Variants in PTGER3 observed in about 807,000 individuals in gnomAD.
PTGER3 encodes the protein prostaglandin E receptor 3.
PTGER3 carries 22 observed loss-of-function variants against 34.7 expected under a neutral mutation model. The observed-to-expected ratio is 0.63, with a 90% CI of 0.45 to 0.91. PTGER3 has a LOEUF of 0.91. PTGER3 is among the 40% of genes least tolerant of loss of function. PTGER3 has a pLI of 0.00. For missense variants in PTGER3, 468 were observed against 519.4 expected, an observed-to-expected ratio of 0.90 and a Z score of 0.96; for synonymous variants, 241 against 230.1, an observed-to-expected ratio of 1.05 and a Z score of -0.43.
chr1:70,905,201 C>T (rs1003912745), intron 4 of PTGER3, among the ~76,000 whole-genome samples: 2 of 152,128 alleles, frequency 1.3e-5, no homozygotes, highest in African/African-American at 4.8e-5. Context: ...TATGGAAACA[C>T]CTGGATGCCC....
chr1:70,952,695 T>C (rs1650879464), exon 4 of PTGER3: 1 of 1,207,676 alleles, frequency 8.3e-7, no homozygotes, highest in Non-Finnish European at 1.0e-6. Context: ...TAAGTCTAAA[T>C]TGGGTAGTTC....
rs1468657163 is a variant in PTGER3, at chr1:70,917,193, G to A, written c.*23+36570C>T. Among the ~76,000 whole-genome samples the A allele has an allele frequency of 3.3e-5, 5 of 150,704 alleles. No individual in the cohort carries two copies. The East Asian group carries it at 7.8e-4, about 24-fold the overall frequency. On this transcript the variant is annotated intron_variant, in intron 4 of 4. Coordinates refer to the PTGER3 transcript ENST00000370931. ...CTTTCCTGGTCCCCCTGCAACCCCC[G>A]CTTTCCCCCTCTCTCCTCAGTCTCT...
At chr1:70,927,531 A>G (rs1648226599) in intron 4 of PTGER3, among the ~76,000 whole-genome samples, 1 of 152,212 alleles carries the variant, frequency 6.6e-6, no homozygotes, top group African/African-American at 2.4e-5. Context: ...TACATAACAT[A>G]AAAATGAGCT....
intron 4 of PTGER3, among the ~76,000 whole-genome samples, chr1:70,905,414 ACT>A (rs772503273): frequency 5.5e-4 from 84 of 152,162 alleles, no homozygotes; most frequent in South Asian, 1.2e-3. Context: ...AGCCTCAGAC[ACT>A]CAACACCAGC....
chr1:70,935,167 C>G (rs561866971), intron 4 of PTGER3, among the ~76,000 whole-genome samples: 1 of 152,068 alleles, frequency 6.6e-6, no homozygotes, highest in African/African-American at 2.4e-5. Flanking sequence ...TGGGAAGAAG[C>G]ACATTAAATT....
chr1:71,030,368 G>A (rs1219485550), intron 1 of PTGER3, among the ~76,000 whole-genome samples: 1 of 152,170 alleles, frequency 6.6e-6, no homozygotes, highest in Non-Finnish European at 1.5e-5. Flanking sequence ...CAATTGCACT[G>A]TATCATACTG....
chr1:70,986,407 C>T (rs150869700), intron 2 of PTGER3, among the ~76,000 whole-genome samples: 41 of 152,186 alleles, frequency 2.7e-4, no homozygotes, highest in Middle Eastern at 3.4e-3. Context: ...TTTCCTGTAA[C>T]GCCATGGCAG....
intron 2 of PTGER3, among the ~76,000 whole-genome samples, chr1:70,988,695 C>T (rs1655147747): frequency 6.6e-6 from 1 of 152,154 alleles, no homozygotes; most frequent in African/African-American, 2.4e-5. Context: ...CCAGAATTTA[C>T]ATAAATAGGA....
At chr1:71,003,485 A>C (rs1656669569) in intron 2 of PTGER3, among the ~76,000 whole-genome samples, 1 of 152,184 alleles carries the variant, frequency 6.6e-6, no homozygotes, top group South Asian at 2.1e-4. Flanking sequence ...AACTAAAACA[A>C]CATCTTTATT....
chr1:70,906,047 T>C (rs1646940470), intron 4 of PTGER3, among the ~76,000 whole-genome samples: 1 of 152,058 alleles, frequency 6.6e-6, no homozygotes, highest in Non-Finnish European at 1.5e-5. Context: ...GGTTTAAAAA[T>C]AGAAGTTCCC....
intron 4 of PTGER3, among the ~76,000 whole-genome samples, chr1:70,859,440 C>T (rs1187906302): frequency 6.6e-6 from 1 of 151,956 alleles, no homozygotes; most frequent in Non-Finnish European, 1.5e-5. Context: ...CACCTGTGTT[C>T]CTTACAATTA....
chr1:70,948,458 A>G (rs111427510), downstream of PTGER3, among the ~76,000 whole-genome samples: 20,602 of 152,154 alleles, frequency 0.14, 1,739 homozygotes, highest in African/African-American at 0.22. Context: ...CTGTGAGTCA[A>G]TTAAACCTCT....
At chr1:70,904,164 C>T (rs76245459) in intron 4 of PTGER3, among the ~76,000 whole-genome samples, 8,294 of 152,252 alleles carry the variant, frequency 0.054, 388 homozygotes, top group African/African-American at 0.12. Flanking sequence ...TGACTTGCTC[C>T]TCCTTGCCTT....
At chr1:71,017,940 T>C (rs187515633) in intron 1 of PTGER3, among the ~76,000 whole-genome samples, 3 of 152,296 alleles carry the variant, frequency 2.0e-5, no homozygotes, top group East Asian at 3.9e-4. Flanking sequence ...AATTTATGTA[T>C]TTTTAGTAGA....
chr1:70,931,756 T>A (rs759835306), intron 4 of PTGER3, among the ~76,000 whole-genome samples: 4 of 152,132 alleles, frequency 2.6e-5, no homozygotes, highest in Non-Finnish European at 4.4e-5. Flanking sequence ...CTGACCCTGG[T>A]CCACAAAACT....
chr1:71,033,374 C>T (rs1659566410), intron 1 of PTGER3, among the ~76,000 whole-genome samples: 1 of 152,222 alleles, frequency 6.6e-6, no homozygotes, highest in Non-Finnish European at 1.5e-5. Context: ...CCTGTTCCCA[C>T]ACATACCTTT....
rs540370395 is a variant in PTGER3, at chr1:70,923,993, A to G, written c.*23+29770T>C. Among the ~76,000 whole-genome samples the G allele has an allele frequency of 7.9e-5, 12 of 152,212 alleles. 1 individual carries two copies. In the South Asian group the frequency reaches 2.5e-3, roughly 32 times the overall value. On this transcript the variant is annotated intron_variant, in intron 4 of 4. Coordinates refer to the PTGER3 transcript ENST00000370931. ...TAGAGCCAATAAAAGTCCCTTGGGG[A>G]ACTGGCCTCACACCTTGACTACACC...
At chr1:70,972,255 G>A (rs1572809750) in intron 3 of PTGER3, among the ~76,000 whole-genome samples, 1 of 152,142 alleles carries the variant, frequency 6.6e-6, no homozygotes, top group East Asian at 1.9e-4. Context: ...TCTGGGAGGT[G>A]GAGGTTGCAG....
Position 70,862,601 on chromosome 1 carries a change from T to C in PTGER3, c.*24-9742A>G, listed in dbSNP as rs137912424. Among the ~76,000 whole-genome samples, 630 of 152,260 alleles carry C rather than the reference T, an allele frequency of 4.1e-3. 4 individuals are homozygous for C. The highest frequency in any genetic ancestry group is 0.015 in the African/African-American group (608 of 41,552). On this transcript the variant is annotated intron_variant, in intron 4 of 4. Coordinates refer to the PTGER3 transcript ENST00000370931. Reference sequence around the variant, plus strand: ...TGTGTTTTGAAGGAAGGATAAGAGCTGTCTAATAAAGAAGGGAATGCTCTA... The same window carrying C: ...TGTGTTTTGAAGGAAGGATAAGAGCCGTCTAATAAAGAAGGGAATGCTCTA...
Sources: allele counts gnomAD v4.1 joint callset (sites outside exome capture counted in the v4.1 genomes callset), GRCh38; gene constraint gnomAD v4.1.1; transcripts MANE v1.5; gene names NCBI Gene and HGNC (gene_info 2026-07-23, HGNC 2026-07-21).